CNTN4: variants seen among roughly 807,000 people sequenced by gnomAD.
The protein encoded by CNTN4 is contactin-4.
A neutral mutation model predicts 122.5 loss-of-function variants in CNTN4; 77 were observed. That is an observed-to-expected ratio of 0.63 (90% CI 0.52 to 0.76). CNTN4 has a LOEUF of 0.76. Among genes scored for constraint, CNTN4 ranks in the 30% least tolerant of loss-of-function variants. CNTN4 has a pLI of 0.00. For missense variants in CNTN4, 1,256 were observed against 1,259.1 expected (o/e 1.00, Z 0.04); for synonymous variants, 512 against 447.0 (o/e 1.15, Z -1.83).
intron 4 of CNTN4, among the ~76,000 whole-genome samples, chr3:2,609,654 CCT>C (rs781694107): frequency 6.6e-6 from 1 of 152,108 alleles, no homozygotes; most frequent in Non-Finnish European, 1.5e-5. Flanking sequence ...GTTTTAGTTT[CCT>C]CTCTTTGAAC....
At chr3:2,464,346 C>G (rs562052795) in intron 3 of CNTN4, among the ~76,000 whole-genome samples, 1 of 152,152 alleles carries the variant, frequency 6.6e-6, no homozygotes, top group Non-Finnish European at 1.5e-5. Context: ...CAGGAAGTGG[C>G]GCATTAGGAA....
At chr3:2,829,179 G>T (rs1183853034) in intron 7 of CNTN4, among the ~76,000 whole-genome samples, 1 of 152,148 alleles carries the variant, frequency 6.6e-6, no homozygotes, top group Non-Finnish European at 1.5e-5. Context: ...CCAATCAGAG[G>T]GGGTTACAGC....
At chr3:2,182,017 A>G (rs1168876644) in intron 2 of CNTN4, among the ~76,000 whole-genome samples, 2 of 152,172 alleles carry the variant, frequency 1.3e-5, no homozygotes, top group Non-Finnish European at 2.9e-5. Context: ...ATAATGAAGA[A>G]TTCCTGAGAA....
At chr3:3,010,494 A>G (rs556502533) in intron 14 of CNTN4, among the ~76,000 whole-genome samples, 1 of 151,146 alleles carries the variant, frequency 6.6e-6, no homozygotes, top group Non-Finnish European at 1.5e-5. Context: ...TCCTTGTACT[A>G]CTGTTTAAAA....
intron 3 of CNTN4, among the ~76,000 whole-genome samples, chr3:2,450,613 G>C (rs1273059200): frequency 6.6e-6 from 1 of 151,940 alleles, no homozygotes; most frequent in Non-Finnish European, 1.5e-5. Flanking sequence ...CTCCTGTCCA[G>C]GTTTTTACCG....
intron 6 of CNTN4, among the ~76,000 whole-genome samples, chr3:2,811,795 C>T (rs1377113548): frequency 1.1e-5 from 1 of 95,206 alleles, no homozygotes; most frequent in East Asian, 3.3e-4. Flanking sequence ...GCCTCCAGAG[C>T]AGCTGGGACT....
intron 6 of CNTN4, among the ~76,000 whole-genome samples, chr3:2,760,495 C>G (rs2090540281): frequency 6.6e-6 from 1 of 152,114 alleles, no homozygotes; most frequent in Non-Finnish European, 1.5e-5. Context: ...CAGTTGACCT[C>G]AAATGTAAGG....
intron 7 of CNTN4, among the ~76,000 whole-genome samples, chr3:2,858,506 A>G (rs2093639272): frequency 6.6e-6 from 1 of 152,122 alleles, no homozygotes; most frequent in Admixed American, 6.6e-5. Flanking sequence ...TGGGCAGATC[A>G]CTTGAGGTCA....
At chr3:3,021,933 T>G (rs1426656322) in intron 14 of CNTN4, among the ~76,000 whole-genome samples, 2 of 151,644 alleles carry the variant, frequency 1.3e-5, no homozygotes, top group Non-Finnish European at 2.9e-5. Context: ...AAGAAATAAA[T>G]AAAACATTAG....
intron 2 of CNTN4, among the ~76,000 whole-genome samples, chr3:2,227,174 G>T (rs2149523258): frequency 6.6e-6 from 1 of 152,104 alleles, no homozygotes; most frequent in African/African-American, 2.4e-5. Flanking sequence ...TCAAAAAAAA[G>T]GAAAGAGACC....
At chr3:2,963,482 C>G (rs10451987) in intron 13 of CNTN4, among the ~76,000 whole-genome samples, 26,176 of 152,154 alleles carry the variant, frequency 0.17, 2,877 homozygotes, top group East Asian at 0.4. Context: ...TCCACTCACC[C>G]ATCCCACTGG....
chr3:2,463,558 G>A (rs1274139143), intron 3 of CNTN4, among the ~76,000 whole-genome samples: 5 of 152,066 alleles, frequency 3.3e-5, no homozygotes, highest in African/African-American at 9.7e-5. Flanking sequence ...TCAGGAGTTC[G>A]AGACCAGCCT....
intron 3 of CNTN4, among the ~76,000 whole-genome samples, chr3:2,425,738 T>A (rs1363951446): frequency 1.3e-5 from 2 of 152,214 alleles, no homozygotes; most frequent in Non-Finnish European, 2.9e-5. Flanking sequence ...CCTCTTTTAT[T>A]TCATTGAGCA....
chr3:2,239,759 A>G (rs866690434), intron 2 of CNTN4, among the ~76,000 whole-genome samples: 2 of 152,218 alleles, frequency 1.3e-5, no homozygotes, highest in Non-Finnish European at 2.9e-5. Context: ...ATTTATAGGG[A>G]TAAGACAATA....
intron 3 of CNTN4, among the ~76,000 whole-genome samples, chr3:2,348,369 T>C: frequency 6.6e-6 from 1 of 152,218 alleles, no homozygotes; most frequent in East Asian, 1.9e-4. Context: ...ATTTAGGGAA[T>C]CTGTGTTTTA....
chr3:2,315,911 G>A (rs1297491315), intron 2 of CNTN4, among the ~76,000 whole-genome samples: 2 of 152,020 alleles, frequency 1.3e-5, no homozygotes, highest in East Asian at 3.9e-4. Context: ...GACCTTTGAT[G>A]AATGTTTGTT....
chr3:2,800,482 T>A (rs2092321254), intron 6 of CNTN4, among the ~76,000 whole-genome samples: 1 of 152,236 alleles, frequency 6.6e-6, no homozygotes, highest in Non-Finnish European at 1.5e-5. Flanking sequence ...ATTGTCCACA[T>A]CTTCCTACAA....
intron 6 of CNTN4, among the ~76,000 whole-genome samples, chr3:2,806,946 C>T (rs187146650): frequency 2.6e-4 from 39 of 152,260 alleles, no homozygotes; most frequent in African/African-American, 8.7e-4. Context: ...TATCCGGTTT[C>T]TCTAGCTTAT....
intron 3 of CNTN4, among the ~76,000 whole-genome samples, chr3:2,532,765 TCGTGTCATACAGTAATA>T (rs1268891124): frequency 6.6e-6 from 1 of 152,196 alleles, no homozygotes; most frequent in Non-Finnish European, 1.5e-5. Context: ...TCATACTCTT[TCGTGTCATACAGTAATA>T]AGATTATATT....
Sources: gnomAD v4.1 joint callset for allele counts (sites outside exome capture counted in the v4.1 genomes callset) on GRCh38, gnomAD v4.1.1 for gene constraint, MANE v1.5 for transcripts, NCBI Gene and HGNC (gene_info 2026-07-23, HGNC 2026-07-21) for gene names.